The following ADGRV1 variants were observed in gnomAD, a reference collection of about 807,000 sequenced individuals.
ADGRV1 encodes adhesion G protein-coupled receptor V1, also known as G-protein coupled receptor 98.
In ADGRV1, 359 loss-of-function variants were observed where a neutral mutation model predicts 596.2. The observed-to-expected ratio is 0.60, with a 90% CI of 0.55 to 0.66. The LOEUF (loss-of-function observed/expected upper bound fraction) is 0.66. ADGRV1 is among the 30% of genes least tolerant of loss of function. ADGRV1 has a pLI of 0.00. For missense variants in ADGRV1, 7,274 were observed against 7,575.6 expected (o/e 0.96, Z 1.48); for synonymous variants, 2,681 against 2,679.2 (o/e 1.00, Z -0.02).
In ADGRV1 at chr5:91,146,967, G is replaced by A. The variant is rs1206741173; in HGVS notation, c.18433-3063G>A. On this transcript the variant is annotated intron_variant, in intron 87 of 89. Coordinates refer to ENST00000405460, the MANE Select transcript of ADGRV1 (RefSeq NM_032119.4). ...TCTTGAGCTCAGGGATTCAAGACCAGCCTGGGCAACATGGCAAAACCCCAT... is the reference window on the plus strand; with the variant it reads ...TCTTGAGCTCAGGGATTCAAGACCAACCTGGGCAACATGGCAAAACCCCAT... Among the ~76,000 whole-genome samples the A allele has an allele frequency of 2.0e-5, 3 of 152,186 alleles. No homozygotes were observed. The East Asian group carries it at 5.8e-4, about 29-fold the overall frequency.
chr5:91,113,643 G>T (rs1319496878), intron 87 of ADGRV1, among the ~76,000 whole-genome samples: 1 of 152,216 alleles, frequency 6.6e-6, no homozygotes, highest in Non-Finnish European at 1.5e-5. Context: ...AATAGGCTGG[G>T]TGCAGTGGCT....
At chr5:90,699,506 TAAG>T (rs966376994) in intron 34 of ADGRV1, among the ~76,000 whole-genome samples, 1 of 152,142 alleles carries the variant, frequency 6.6e-6, no homozygotes, top group Non-Finnish European at 1.5e-5. Context: ...AGACGAGATT[TAAG>T]GAGGGACTTA....
chr5:90,589,266 A>C (rs1229715739), intron 1 of ADGRV1, among the ~76,000 whole-genome samples: 1 of 152,228 alleles, frequency 6.6e-6, no homozygotes, highest in Non-Finnish European at 1.5e-5. Context: ...TCAGTTTATG[A>C]CACCAGAGTT....
At chr5:90,772,150 C>T (rs1421678231) in intron 59 of ADGRV1, among the ~76,000 whole-genome samples, 1 of 152,078 alleles carries the variant, frequency 6.6e-6, no homozygotes, top group African/African-American at 2.4e-5. Context: ...TCACAGTAGC[C>T]AATCCTTATC....
chr5:90,892,595 C>A (rs1378392122), intron 83 of ADGRV1, among the ~76,000 whole-genome samples: 2 of 151,992 alleles, frequency 1.3e-5, no homozygotes, highest in Non-Finnish European at 2.9e-5. Context: ...CATTAAAAAT[C>A]ATCAGCACAA....
intron 85 of ADGRV1, among the ~76,000 whole-genome samples, chr5:91,029,171 A>G (rs931051381): frequency 1.3e-5 from 2 of 152,202 alleles, no homozygotes; most frequent in Non-Finnish European, 2.9e-5. Flanking sequence ...ATTCTTCATG[A>G]ACTACATAAA....
At chr5:90,844,444 C>T (rs1249232811) in intron 78 of ADGRV1, among the ~76,000 whole-genome samples, 1 of 152,146 alleles carries the variant, frequency 6.6e-6, no homozygotes, top group Non-Finnish European at 1.5e-5. Flanking sequence ...TTAAATGCCT[C>T]ACTATAAAGA....
rs1217016819 is a variant in ADGRV1, at chr5:90,975,530, G to T, written c.17974-9814G>T. On this transcript the variant is annotated intron_variant, in intron 84 of 89. Coordinates refer to ENST00000405460, the MANE Select transcript of ADGRV1 (RefSeq NM_032119.4). ...GGAATACCATGCAGCCATAAAAAAGGATGCGTTCATGTCCTTTTTAGGGAC... is the reference window on the plus strand; with the variant it reads ...GGAATACCATGCAGCCATAAAAAAGTATGCGTTCATGTCCTTTTTAGGGAC... 2.0e-5 allele frequency among the ~76,000 whole-genome samples: 3 copies of T among 152,124 alleles called. No homozygotes were observed. The East Asian group carries it at 5.8e-4, about 29-fold the overall frequency.
chr5:91,016,405 A>G (rs1783175418), intron 85 of ADGRV1, among the ~76,000 whole-genome samples: 1 of 151,964 alleles, frequency 6.6e-6, no homozygotes, highest in Admixed American at 6.6e-5. Flanking sequence ...ATGCAGAGAA[A>G]AATTACTTGT....
At chr5:90,964,018 G>A (rs1318691997) in intron 83 of ADGRV1, among the ~76,000 whole-genome samples, 1 of 151,870 alleles carries the variant, frequency 6.6e-6, no homozygotes, top group Non-Finnish European at 1.5e-5. Flanking sequence ...TTGAGATTTT[G>A]GGAACATGCA....
At chr5:90,756,801 GT>G in intron 56 of ADGRV1, 171 bp downstream of exon 56, 1 of 742,076 alleles carries the variant, frequency 1.3e-6, no homozygotes. Context: ...GATTCAACAA[GT>G]TTACTTTCAT....
At chr5:90,955,286 A>C (rs960878011) in intron 83 of ADGRV1, among the ~76,000 whole-genome samples, 2 of 152,194 alleles carry the variant, frequency 1.3e-5, no homozygotes, top group Admixed American at 6.5e-5. Context: ...TTGATGAGCA[A>C]ATAAACCAAA....
At chr5:91,121,437 G>T (rs1482680951) in intron 87 of ADGRV1, among the ~76,000 whole-genome samples, 1 of 152,100 alleles carries the variant, frequency 6.6e-6, no homozygotes, top group Non-Finnish European at 1.5e-5. Context: ...GGCTATTTTT[G>T]TTCCAAGTGA....
intron 17 of ADGRV1, among the ~76,000 whole-genome samples, chr5:90,650,213 G>C (rs765697867): frequency 6.6e-6 from 1 of 152,158 alleles, no homozygotes; most frequent in Non-Finnish European, 1.5e-5. Flanking sequence ...CATATGCTCT[G>C]ATATTGGATC....
intron 83 of ADGRV1, among the ~76,000 whole-genome samples, chr5:90,949,282 G>A (rs1411788799): frequency 1.3e-5 from 2 of 152,072 alleles, no homozygotes; most frequent in Non-Finnish European, 2.9e-5. Flanking sequence ...TGGTTTGTGG[G>A]TCTATACTTT....
At chr5:90,751,638 G>A (rs1445323607) in intron 53 of ADGRV1, among the ~76,000 whole-genome samples, 1 of 152,100 alleles carries the variant, frequency 6.6e-6, no homozygotes, top group African/African-American at 2.4e-5. Flanking sequence ...TGTCTTCTTG[G>A]CTTGCCTTTG....
chr5:90,981,427 C>T (rs1301383356), intron 84 of ADGRV1, among the ~76,000 whole-genome samples: 4 of 152,130 alleles, frequency 2.6e-5, no homozygotes, highest in African/African-American at 4.8e-5. Flanking sequence ...GATTTGGGGG[C>T]CCCAAGATTT....
chr5:91,062,648 T>C (rs1787544293), intron 85 of ADGRV1, among the ~76,000 whole-genome samples: 1 of 152,204 alleles, frequency 6.6e-6, no homozygotes, highest in Non-Finnish European at 1.5e-5. Flanking sequence ...CGGTATCCTC[T>C]GTCACTTTAC....
Position 90,977,941 on chromosome 5 carries a change from G to C in ADGRV1, c.17974-7403G>C, listed in dbSNP as rs556646485. On this transcript the variant is annotated intron_variant, in intron 84 of 89. Transcript: ENST00000405460. ...AACAGAACATAGTAAAACCTAGGGG[G>C]AAAGTCTTGATTAAATGATATATAA... 2.6e-5 allele frequency among the ~76,000 whole-genome samples: 4 copies of C among 152,262 alleles called. 1 individual carries two copies. The South Asian group carries it at 8.3e-4, about 32-fold the overall frequency.
Sources: gnomAD v4.1 joint callset for allele counts (sites outside exome capture counted in the v4.1 genomes callset) on GRCh38, gnomAD v4.1.1 for gene constraint, MANE v1.5 for transcripts, NCBI Gene and HGNC (gene_info 2026-07-23, HGNC 2026-07-21) for gene names.